UBN2: variants seen among roughly 807,000 people sequenced by gnomAD.
The protein encoded by UBN2 is ubinuclein-2.
Under a neutral mutation model 120.2 loss-of-function variants are expected in UBN2, and 35 were observed. The observed-to-expected ratio is 0.29, with a 90% CI of 0.22 to 0.39. UBN2 has a LOEUF of 0.39. UBN2 is among the 10% of genes least tolerant of loss of function. The pLI, the probability that UBN2 is intolerant of heterozygous loss-of-function variation, is 1.00. For missense variants in UBN2, 1,693 were observed against 1,663.2 expected (o/e 1.02, Z -0.31); for synonymous variants, 661 against 648.7 (o/e 1.02, Z -0.29).
intron 12 of UBN2, among the ~76,000 whole-genome samples, chr7:139,278,356 A>G (rs2131023987): frequency 6.6e-6 from 1 of 151,888 alleles, no homozygotes; most frequent in South Asian, 2.1e-4. Flanking sequence ...TAATGTTTGT[A>G]TTTTTAGTAG....
intron 13 of UBN2, among the ~76,000 whole-genome samples, chr7:139,280,029 C>T (rs966253014): frequency 9.2e-5 from 14 of 152,112 alleles, no homozygotes; most frequent in Non-Finnish European, 1.6e-4. Flanking sequence ...TCTGAGAAAA[C>T]GCCAAGCTGA....
Position 139,303,681 on chromosome 7 carries a change from GTAT to G in UBN2, c.*5849_*5851del, listed in dbSNP as rs1358175577. ...AAAATGTCCTATATAATTAAAAATA[GTAT>G]TATCATCTTCCTGCAGAGGCTAAAA... is the stretch of plus-strand genomic sequence containing the variant. On this transcript the variant is annotated 3_prime_UTR_variant, in exon 18 of 18. Coordinates refer to ENST00000473989, the MANE Select transcript of UBN2 (RefSeq NM_173569.4). 6.6e-6 allele frequency: 1 copy of G among 152,022 alleles called. No individual in the cohort carries two copies. Among genetic ancestry groups the G allele is most frequent in the Non-Finnish European group, 1.5e-5 (1 of 68,008 alleles). 9.4% of individuals were successfully genotyped at this position (152,022 alleles called of 1,614,324 possible). A position where few individuals can be genotyped will look rare whatever the true frequency, so the allele number is the denominator to read the frequency against.
At chr7:139,247,699 C>T (rs1307099070) in intron 2 of UBN2, among the ~76,000 whole-genome samples, 1 of 152,164 alleles carries the variant, frequency 6.6e-6, no homozygotes, top group Non-Finnish European at 1.5e-5. Flanking sequence ...GCCCCAGTAA[C>T]TTGTGAATTT....
At position 139,301,650 on chromosome 7, in the gene UBN2, T is replaced by C. The variant is rs957259559; in HGVS notation, c.*3814T>C. 8 of 152,304 alleles carry C rather than the reference T, an allele frequency of 5.3e-5. No individual in the cohort carries two copies. The highest frequency in any genetic ancestry group is 1.9e-4 in the African/African-American group (8 of 41,564). 9.4% of individuals were successfully genotyped at this position (152,304 alleles called of 1,614,324 possible). ...CCGTAAAAGCACACTGGTCCCTTTG[T>C]TGTTTTTATTATTTAGGTTTGGAAT... On this transcript the variant is annotated 3_prime_UTR_variant, in exon 18 of 18. Transcript: ENST00000473989.
chr7:139,255,862 GT>G (rs1431031856), intron 3 of UBN2, among the ~76,000 whole-genome samples: 3 of 152,102 alleles, frequency 2.0e-5, no homozygotes, highest in African/African-American at 4.8e-5. Context: ...GAAAGAAAAT[GT>G]TTTGTTTATT....
chr7:139,293,680 T>G (rs1408264919), intron 16 of UBN2: 1 of 640,600 alleles, frequency 1.6e-6, no homozygotes. Flanking sequence ...ATTTCCATCT[T>G]AATGAAATTT....
chr7:139,250,910 C>T (rs1022758054), intron 2 of UBN2, among the ~76,000 whole-genome samples: 2 of 152,100 alleles, frequency 1.3e-5, no homozygotes, highest in Non-Finnish European at 2.9e-5. Flanking sequence ...AGTTCAAGAA[C>T]AGCCTGGGCA....
chr7:139,326,106 A>C, the UBN2 span, among the ~76,000 whole-genome samples: 1 of 152,102 alleles, frequency 6.6e-6, no homozygotes, highest in African/African-American at 2.4e-5. Context: ...AATTACAAAA[A>C]TTAACCAGGC....
intron 15 of UBN2, among the ~76,000 whole-genome samples, chr7:139,290,072 T>C (rs1797908227): frequency 6.6e-6 from 1 of 152,146 alleles, no homozygotes; most frequent in Admixed American, 6.5e-5. Context: ...TTTTGTATTG[T>C]ATTAATGGAT....
Position 139,266,241 on chromosome 7 carries a change from AAAAAG to A in UBN2, c.1396-87_1396-83del, listed in dbSNP as rs1797095789. On this transcript the variant is annotated intron_variant, in intron 6 of 17. Coordinates refer to ENST00000473989, the MANE Select transcript of UBN2 (RefSeq NM_173569.4). The stretch of plus-strand genomic sequence containing the variant: ...GGCCCTATCTCAAAAAAAAAAAAAA[AAAAAG>A]AAAAAAACCTTTGAACACGTGTCCT... The A allele has an allele frequency of 1.2e-5, 10 of 836,314 alleles. No individual in the cohort carries two copies. In the African/African-American group the frequency reaches 1.8e-4, roughly 15 times the overall value. The allele number at this position is 836,314 out of a possible 1,614,324, so 51.8% of individuals were successfully genotyped here. A position where few individuals can be genotyped will look rare whatever the true frequency, so the allele number is the denominator to read the frequency against.
At chr7:139,272,073 T>G (rs1797293162) in intron 8 of UBN2, among the ~76,000 whole-genome samples, 1 of 152,162 alleles carries the variant, frequency 6.6e-6, no homozygotes. Flanking sequence ...TGGAACACTA[T>G]TAATAATTAT....
chr7:139,306,584 C>T lies in UBN2; in HGVS notation c.*8748C>T, dbSNP rs1052772600. On this transcript the variant is annotated 3_prime_UTR_variant, in exon 18 of 18. Transcript: ENST00000473989. ...GGCCTTTCCCCATTAGAGGTAGGTT[C>T]CCAGCCTACAAGTATTTCCTGTGAT... 1 of 152,160 alleles carries T rather than the reference C, an allele frequency of 6.6e-6. No individual in the cohort carries two copies. The highest frequency in any genetic ancestry group is 1.5e-5 in the Non-Finnish European group (1 of 68,032). 9.4% of individuals were successfully genotyped at this position (152,160 alleles called of 1,614,324 possible).
At chr7:139,284,629 T>C (rs951121726) in intron 15 of UBN2, 55 bp downstream of exon 15, 1 of 1,466,446 alleles carries the variant, frequency 6.8e-7, no homozygotes, top group East Asian at 2.3e-5. Context: ...TAATGTCGTC[T>C]TTCTTGTGGG....
intron 8 of UBN2, among the ~76,000 whole-genome samples, chr7:139,271,751 C>A (rs1255537407): frequency 6.6e-6 from 1 of 152,124 alleles, no homozygotes; most frequent in Non-Finnish European, 1.5e-5. Context: ...AACCTACTTT[C>A]TTTTTTGCCC....
rs1225390786 is a variant in UBN2, at chr7:139,297,803, AG to A, written c.4015del (p.Asp1339ThrfsTer22). 7.4e-6 allele frequency: 12 copies of A among 1,614,160 alleles called. No individual in the cohort carries two copies. Among genetic ancestry groups the A allele is most frequent in the Non-Finnish European group, 1.7e-6 (2 of 1,180,006 alleles). On this transcript the variant is annotated frameshift_variant, in exon 18 of 18. Coordinates refer to ENST00000473989, the MANE Select transcript of UBN2 (RefSeq NM_173569.4). LOFTEE classifies it high-confidence loss of function. ...TTTTCTCAGATGGAGGCCAAAGTAA[AG>A]GGGACACTAAATTACCACGGAAATC... ...QAFHDGGQSK[G>X]DTKLPRKSQ
intron 2 of UBN2, among the ~76,000 whole-genome samples, chr7:139,239,019 C>T (rs1796238312): frequency 6.6e-6 from 1 of 152,050 alleles, no homozygotes; most frequent in African/African-American, 2.4e-5. Flanking sequence ...ATGTTTTAAC[C>T]AACTAGTACA....
chr7:139,232,347 A>T (rs1796048721), intron 1 of UBN2, among the ~76,000 whole-genome samples: 1 of 152,244 alleles, frequency 6.6e-6, no homozygotes, highest in Non-Finnish European at 1.5e-5. Context: ...AGAAAGGAAG[A>T]GAAAACCTTG....
At chr7:139,267,965 A>G (rs1797148980) in intron 7 of UBN2, among the ~76,000 whole-genome samples, 1 of 152,236 alleles carries the variant, frequency 6.6e-6, no homozygotes, top group African/African-American at 2.4e-5. Flanking sequence ...CAGATTCCAT[A>G]GTCAGGGATC....
chr7:139,281,920 G>T (rs1450529087), intron 13 of UBN2, 85 bp from the exon 14 acceptor site: 34 of 1,307,010 alleles, frequency 2.6e-5, no homozygotes, highest in Non-Finnish European at 3.7e-5. Flanking sequence ...TTTAATCAGG[G>T]GTTTTAGAGT....
Sources: allele counts gnomAD v4.1 joint callset (sites outside exome capture counted in the v4.1 genomes callset), GRCh38; gene constraint gnomAD v4.1.1; transcripts MANE v1.5; gene names NCBI Gene and HGNC (gene_info 2026-07-23, HGNC 2026-07-21).